C1orf146: variants seen among roughly 807,000 people sequenced by gnomAD.
C1orf146 encodes protein SPO16 homolog.
A neutral mutation model predicts 23.0 loss-of-function variants in C1orf146; 22 were observed. The ratio of observed to expected loss-of-function variants is 0.96; its 90% CI spans 0.68 to 1.36. The LOEUF (loss-of-function observed/expected upper bound fraction) is 1.36. Ranked by LOEUF, C1orf146 falls within the 40% of genes most tolerant of loss-of-function variation. The probability of loss-of-function intolerance (pLI) is 0.00; values close to 1 mark genes in which losing one functional copy is unlikely to be tolerated. For missense variants in C1orf146, 199 were observed against 206.8 expected (o/e 0.96, Z 0.23); for synonymous variants, 59 against 65.3 (o/e 0.90, Z 0.47).
At chr1:92,233,182 C>G (rs1165677070) in intron 2 of C1orf146, among the ~76,000 whole-genome samples, 1 of 152,152 alleles carries the variant, frequency 6.6e-6, no homozygotes, top group Admixed American at 6.5e-5. Context: ...GAAGTCCTTG[C>G]CCATGCCTAT....
chr1:92,226,266 G>A (rs1651965684), intron 1 of C1orf146, among the ~76,000 whole-genome samples: 1 of 151,446 alleles, frequency 6.6e-6, no homozygotes, highest in South Asian at 2.1e-4. Context: ...TATTTTCTTA[G>A]TACTTTCTCT....
Position 92,219,111 on chromosome 1 carries a change from T to C in C1orf146, c.-40+1063T>C, listed in dbSNP as rs138952495. On this transcript the variant is annotated intron_variant, in intron 1 of 5. Coordinates refer to ENST00000370375, the MANE Select transcript of C1orf146 (RefSeq NM_001012425.2). ...GCACAAACATACATATCCACATACA[T>C]ACCAGTAACTACTCCAAAAAGTTCT... 6.0e-3 allele frequency among the ~76,000 whole-genome samples: 919 copies of C among 152,348 alleles called. 8 individuals carry two copies. The highest frequency in any genetic ancestry group is 0.013 in the South Asian group (65 of 4,828).
chr1:92,231,598 G>A, intron 2 of C1orf146, 112 bp downstream of exon 2: 1 of 615,166 alleles, frequency 1.6e-6, no homozygotes, highest in Non-Finnish European at 2.8e-6. Context: ...TTAATTGTGG[G>A]GAGCAGGAAG....
rs1251054475 is a variant in C1orf146 at position 92,224,007 on chromosome 1, TTTTATTTTATTTA to T, written c.-40+5967_-40+5979del. ...TGGTGCAGTTTTGTTGTTGTTGTTGTTTTATTTTATTTATTTATTTATTTATTTATTTATTTAT... is the reference window on the plus strand; with the variant it reads ...TGGTGCAGTTTTGTTGTTGTTGTTGTTTTATTTATTTATTTATTTATTTAT... On this transcript the variant is annotated intron_variant, in intron 1 of 5. Transcript: ENST00000370375. Among the ~76,000 whole-genome samples the T allele has an allele frequency of 6.3e-5, 9 of 143,912 alleles. No homozygotes were observed. In the South Asian group the frequency reaches 8.8e-4, roughly 14 times the overall value. The allele number at this position is 143,912 out of a possible 152,430, so 94.4% of individuals were successfully genotyped here.
At chr1:92,243,158 T>C (rs184800068) in intron 3 of C1orf146, among the ~76,000 whole-genome samples, 230 of 152,300 alleles carry the variant, frequency 1.5e-3, no homozygotes, top group African/African-American at 5.2e-3. Flanking sequence ...AGGAAACTTA[T>C]GTTCAGAGAG....
intron 4 of C1orf146, among the ~76,000 whole-genome samples, 180 bp from the exon 5 acceptor site, chr1:92,244,599 A>AGC (rs1335259704): frequency 6.6e-6 from 1 of 152,214 alleles, no homozygotes; most frequent in East Asian, 1.9e-4. Context: ...CCAAAAGTGA[A>AGC]CACTTTTTTA....
At chr1:92,229,014 T>C in intron 1 of C1orf146, 1 of 475,168 alleles carries the variant, frequency 2.1e-6, no homozygotes, top group South Asian at 1.8e-5. Flanking sequence ...ACAGTCTATT[T>C]AGAAGCATTT....
chr1:92,228,510 T>C (rs1391897371), intron 1 of C1orf146, among the ~76,000 whole-genome samples: 1 of 152,216 alleles, frequency 6.6e-6, no homozygotes, highest in Non-Finnish European at 1.5e-5. Context: ...GGATTTACTT[T>C]TGCTTCTGGC....
intron 3 of C1orf146, among the ~76,000 whole-genome samples, chr1:92,242,841 A>AG (rs1315845377): frequency 6.6e-6 from 1 of 152,122 alleles, no homozygotes; most frequent in Non-Finnish European, 1.5e-5. Flanking sequence ...GGAAGGGGGG[A>AG]GGTCCACCTG....
rs1651716623 is a variant in C1orf146 at position 92,217,974 on chromosome 1, G to GGC, written c.-111_-110dup. 6.6e-6 allele frequency: 1 copy of GGC among 152,282 alleles called. No homozygotes were observed. Among genetic ancestry groups the GGC allele is most frequent in the Non-Finnish European group, 1.5e-5 (1 of 68,108 alleles). 9.4% of individuals were successfully genotyped at this position (152,282 alleles called of 1,614,324 possible). On this transcript the variant is annotated 5_prime_UTR_variant, in exon 1 of 6. Coordinates refer to ENST00000370375, the MANE Select transcript of C1orf146 (RefSeq NM_001012425.2). ...ACCCTGGGCGCTCTGCCCTACCGGC[G>GGC]GCGCCTCTCACTGCTCACGGAACGT... is the stretch of plus-strand genomic sequence containing the variant.
intron 1 of C1orf146, among the ~76,000 whole-genome samples, chr1:92,228,309 A>G (rs958605085): frequency 6.6e-6 from 1 of 152,158 alleles, no homozygotes; most frequent in Non-Finnish European, 1.5e-5. Flanking sequence ...TATAGTCTGG[A>G]TATGACAATG....
rs545626642 is a variant in C1orf146, at chr1:92,229,259, G to A, written c.-39-2123G>A. On this transcript the variant is annotated intron_variant, in intron 1 of 5. Coordinates refer to ENST00000370375, the MANE Select transcript of C1orf146 (RefSeq NM_001012425.2). ...TGCCGCTGGACAGCACTGTGTTGGC[G>A]TACAGGTCTTTGAAGATGTCCACAT... 148 of 556,796 alleles carry A rather than the reference G, an allele frequency of 2.7e-4. No homozygotes were observed. The East Asian group carries it at 5.6e-3, about 21-fold the overall frequency. The allele number at this position is 556,796 out of a possible 1,614,324, so 34.5% of individuals were successfully genotyped here. A position where few individuals can be genotyped will look rare whatever the true frequency, so the allele number is the denominator to read the frequency against.
intron 3 of C1orf146, among the ~76,000 whole-genome samples, chr1:92,243,567 G>T (rs753143950): frequency 1.2e-4 from 18 of 152,036 alleles, no homozygotes; most frequent in Non-Finnish European, 2.4e-4. Flanking sequence ...GGCTGGTCTC[G>T]AACTCCTGAC....
At chr1:92,238,348 TGGTTTG>T (rs1652347579) in intron 2 of C1orf146, among the ~76,000 whole-genome samples, 1 of 152,232 alleles carries the variant, frequency 6.6e-6, no homozygotes, top group Admixed American at 6.5e-5. Flanking sequence ...TTTTTTGTTT[TGGTTTG>T]GTTTTCTTTT....
At chr1:92,218,621 C>G (rs983698861) in intron 1 of C1orf146, among the ~76,000 whole-genome samples, 1 of 152,210 alleles carries the variant, frequency 6.6e-6, no homozygotes, top group African/African-American at 2.4e-5. Flanking sequence ...ATAGGTTAAA[C>G]TCGTGTCACG....
intron 2 of C1orf146, among the ~76,000 whole-genome samples, chr1:92,236,389 A>G (rs1489237293): frequency 2.6e-5 from 4 of 152,122 alleles, no homozygotes; most frequent in African/African-American, 9.7e-5. Flanking sequence ...GCTGGATATG[A>G]AATTCTGGGT....
At chr1:92,228,981 C>T in intron 1 of C1orf146, 2 of 454,106 alleles carry the variant, frequency 4.4e-6, no homozygotes, top group East Asian at 5.3e-5. Flanking sequence ...TTAACCCATG[C>T]AGCAAAAGCT....
intron 1 of C1orf146, among the ~76,000 whole-genome samples, chr1:92,220,324 A>G (rs1339342104): frequency 1.3e-5 from 2 of 152,132 alleles, no homozygotes; most frequent in African/African-American, 4.8e-5. Flanking sequence ...ATGTGTGTGT[A>G]CTAATCTGGG....
At chr1:92,218,370 A>C (rs145250748) in intron 1 of C1orf146, among the ~76,000 whole-genome samples, 6 of 152,176 alleles carry the variant, frequency 3.9e-5, no homozygotes, top group African/African-American at 1.4e-4. Flanking sequence ...CCGGCGCCTC[A>C]CTGGACCCGT....
Sources: gnomAD v4.1 joint callset for allele counts (sites outside exome capture counted in the v4.1 genomes callset) on GRCh38, gnomAD v4.1.1 for gene constraint, MANE v1.5 for transcripts, NCBI Gene and HGNC (gene_info 2026-07-23, HGNC 2026-07-21) for gene names.